The following CADM2 variants were observed in gnomAD, a reference collection of about 807,000 sequenced individuals.
The protein encoded by CADM2 is cell adhesion molecule 2.
CADM2 carries 12 observed loss-of-function variants against 49.8 expected under a neutral mutation model. That is an observed-to-expected ratio of 0.24 (90% CI 0.15 to 0.39). The LOEUF (loss-of-function observed/expected upper bound fraction) is 0.39, where lower values mean the gene tolerates loss of function less well. Among genes scored for constraint, CADM2 ranks in the 10% least tolerant of loss-of-function variants. CADM2 has a pLI of 1.00. For missense variants in CADM2, 378 were observed against 492.3 expected, an observed-to-expected ratio of 0.77 and a Z score of 2.20; for synonymous variants, 214 against 175.4, an observed-to-expected ratio of 1.22 and a Z score of -1.74.
chr3:85,278,407 C>T (rs1229833530), intron 1 of CADM2, among the ~76,000 whole-genome samples: 6 of 151,372 alleles, frequency 4.0e-5, no homozygotes, highest in African/African-American at 9.7e-5. Context: ...CAACTCAGGA[C>T]GCTGTGCAAA....
intron 1 of CADM2, among the ~76,000 whole-genome samples, chr3:85,605,194 G>C (rs762325654): frequency 1.3e-5 from 2 of 151,996 alleles, no homozygotes; most frequent in Non-Finnish European, 2.9e-5. Context: ...AGAGCTCTCA[G>C]CATGTATAAT....
intron 1 of CADM2, among the ~76,000 whole-genome samples, chr3:84,994,925 G>A (rs1274986672): frequency 2.0e-5 from 3 of 152,002 alleles, no homozygotes; most frequent in Non-Finnish European, 2.9e-5. Flanking sequence ...TACTTGGGAG[G>A]CTGAGGCAGG....
chr3:85,253,209 A>C (rs771960540), intron 1 of CADM2, among the ~76,000 whole-genome samples: 4 of 152,082 alleles, frequency 2.6e-5, no homozygotes, highest in Non-Finnish European at 5.9e-5. Context: ...ACTCTCCCCT[A>C]TCAATAGATA....
intron 8 of CADM2, among the ~76,000 whole-genome samples, chr3:86,048,733 A>G (rs1341862565): frequency 1.3e-5 from 2 of 152,150 alleles, no homozygotes; most frequent in Admixed American, 6.5e-5. Flanking sequence ...ACATGACATA[A>G]CTACTGTTAT....
At chr3:85,808,829 CT>C (rs751535538) in intron 3 of CADM2, among the ~76,000 whole-genome samples, 23 of 152,122 alleles carry the variant, frequency 1.5e-4, no homozygotes, top group Admixed American at 3.3e-4. Flanking sequence ...TAATTTTACA[CT>C]AATACTGGGA....
At chr3:85,471,983 G>A (rs1419013067) in intron 1 of CADM2, among the ~76,000 whole-genome samples, 2 of 151,740 alleles carry the variant, frequency 1.3e-5, no homozygotes, top group African/African-American at 4.8e-5. Flanking sequence ...CAATCTCTAC[G>A]TAAGTGTAGT....
intron 6 of CADM2, among the ~76,000 whole-genome samples, chr3:85,934,859 G>T (rs1233278365): frequency 6.6e-6 from 1 of 151,966 alleles, no homozygotes; most frequent in Admixed American, 6.6e-5. Flanking sequence ...CTTCTGGAGA[G>T]TTCAGAGCCT....
chr3:85,224,043 G>A (rs531666792), intron 1 of CADM2, among the ~76,000 whole-genome samples: 8 of 152,126 alleles, frequency 5.3e-5, no homozygotes, highest in Admixed American at 4.6e-4. Context: ...TTGCTATTGT[G>A]AAGAGTGCTG....
intron 1 of CADM2, among the ~76,000 whole-genome samples, chr3:85,518,916 C>T (rs762834643): frequency 5.3e-5 from 8 of 152,148 alleles, no homozygotes; most frequent in African/African-American, 1.4e-4. Flanking sequence ...GATGTCTTCA[C>T]GGAACATTTT....
intron 1 of CADM2, among the ~76,000 whole-genome samples, chr3:85,281,627 G>C (rs2043501531): frequency 6.6e-6 from 1 of 152,004 alleles, no homozygotes; most frequent in South Asian, 2.1e-4. Context: ...AAATATTATA[G>C]TGTTTTGTGT....
At chr3:85,424,271 A>G (rs2036298623) in intron 1 of CADM2, among the ~76,000 whole-genome samples, 1 of 151,960 alleles carries the variant, frequency 6.6e-6, no homozygotes. Flanking sequence ...ATTTTGTATT[A>G]TGTTTAAAAG....
At chr3:85,210,212 T>C (rs1390604795) in intron 1 of CADM2, among the ~76,000 whole-genome samples, 4 of 152,194 alleles carry the variant, frequency 2.6e-5, no homozygotes, top group Non-Finnish European at 5.9e-5. Context: ...TATCAAACTA[T>C]TTTTAGCATC....
intron 1 of CADM2, among the ~76,000 whole-genome samples, chr3:85,166,352 T>C (rs564260337): frequency 1.5e-4 from 23 of 151,982 alleles, no homozygotes; most frequent in African/African-American, 5.1e-4. Context: ...GGATATAACA[T>C]GGAAATTTGA....
chr3:85,656,485 G>C (rs544227337), intron 1 of CADM2, among the ~76,000 whole-genome samples: 1 of 151,866 alleles, frequency 6.6e-6, no homozygotes, highest in South Asian at 2.1e-4. Context: ...GAGTGGTGTC[G>C]TGCACCTGTA....
chr3:85,333,516 T>C (rs1027242627), intron 1 of CADM2, among the ~76,000 whole-genome samples: 1 of 151,790 alleles, frequency 6.6e-6, no homozygotes, highest in Non-Finnish European at 1.5e-5. Flanking sequence ...ACTTAGTTTG[T>C]GGTTGAGTAA....
At chr3:85,446,991 CATATATATATATATATATATAT>C (rs141177883) in intron 1 of CADM2, among the ~76,000 whole-genome samples, 32 of 54,564 alleles carry the variant, frequency 5.9e-4, no homozygotes, top group South Asian at 3.2e-3. Flanking sequence ...ATATGTATTG[CATATATATATATATATATATAT>C]ATATATATAT....
intron 1 of CADM2, among the ~76,000 whole-genome samples, chr3:85,286,161 C>A (rs974097228): frequency 6.6e-6 from 1 of 152,112 alleles, no homozygotes; most frequent in Non-Finnish European, 1.5e-5. Flanking sequence ...TTCAAGAACT[C>A]AAAGGACCAT....
chr3:84,988,012 G>C (rs2032676947), intron 1 of CADM2, among the ~76,000 whole-genome samples: 1 of 152,178 alleles, frequency 6.6e-6, no homozygotes, highest in Non-Finnish European at 1.5e-5. Context: ...CCGATTTGGA[G>C]CTGTGGCCAC....
intron 5 of CADM2, among the ~76,000 whole-genome samples, chr3:85,902,231 G>T (rs560840733): frequency 6.6e-6 from 1 of 151,872 alleles, no homozygotes; most frequent in African/African-American, 2.4e-5. Flanking sequence ...ACTTATAATT[G>T]TTATATCTTT....
Sources: gnomAD v4.1 joint callset for allele counts (sites outside exome capture counted in the v4.1 genomes callset) on GRCh38, gnomAD v4.1.1 for gene constraint, MANE v1.5 for transcripts, NCBI Gene and HGNC (gene_info 2026-07-23, HGNC 2026-07-21) for gene names.